The following FER variants were observed in gnomAD, a reference collection of about 807,000 sequenced individuals.
FER encodes tyrosine-protein kinase Fer.
Under a neutral mutation model 111.0 loss-of-function variants are expected in FER, and 63 were observed. The ratio of observed to expected loss-of-function variants is 0.57; its 90% CI spans 0.46 to 0.70. The LOEUF (loss-of-function observed/expected upper bound fraction) is 0.70, where lower values mean the gene tolerates loss of function less well. FER is among the 30% of genes least tolerant of loss of function. FER has a pLI of 0.00. For synonymous variants in FER, 327 were observed against 313.9 expected, an observed-to-expected ratio of 1.04 and a Z score of -0.44; for missense variants, 914 against 954.0, an observed-to-expected ratio of 0.96 and a Z score of 0.55.
At chr5:109,109,073 T>C (rs558120822) in intron 17 of FER, among the ~76,000 whole-genome samples, 1 of 152,282 alleles carries the variant, frequency 6.6e-6, no homozygotes, top group East Asian at 1.9e-4. Flanking sequence ...CTATTAAGTG[T>C]AAGCATTTGC....
At chr5:108,992,429 T>C (rs1763321782) in intron 13 of FER, among the ~76,000 whole-genome samples, 1 of 151,950 alleles carries the variant, frequency 6.6e-6, no homozygotes, top group South Asian at 2.1e-4. Flanking sequence ...GCAGAGGGGC[T>C]CCTCACTTCC....
In FER at chr5:109,190,365, A is replaced by G. The variant is rs1759294043; in HGVS notation, c.*2790A>G. On this transcript the variant is annotated 3_prime_UTR_variant, in exon 20 of 20. Coordinates refer to ENST00000281092, the MANE Select transcript of FER (RefSeq NM_005246.4). ...GTGTTGTTAATGGATTATTCAAGAT[A>G]TATATATATATTCTTACTACTGCAT... is the stretch of plus-strand genomic sequence containing the variant. 1 of 151,678 alleles carries G rather than the reference A, an allele frequency of 6.6e-6. No individual in the cohort carries two copies. The highest frequency in any genetic ancestry group is 1.5e-5 in the Non-Finnish European group (1 of 67,904). The allele number at this position is 151,678 out of a possible 1,614,324, so 9.4% of individuals were successfully genotyped here.
chr5:109,028,601 C>G (rs1041140188), intron 13 of FER, among the ~76,000 whole-genome samples: 1 of 152,264 alleles, frequency 6.6e-6, no homozygotes, highest in South Asian at 2.1e-4. Flanking sequence ...CTCTCAGAAC[C>G]TCAGAGTCCT....
chr5:109,157,107 A>G (rs564157801), intron 17 of FER, among the ~76,000 whole-genome samples: 18 of 152,284 alleles, frequency 1.2e-4, no homozygotes, highest in Admixed American at 5.2e-4. Context: ...TGTGGATTTC[A>G]TGCTTGTTAC....
Position 108,953,186 on chromosome 5 carries a change from A to C in FER, c.1330-1543A>C, listed in dbSNP as rs182677671. 1.2e-3 allele frequency among the ~76,000 whole-genome samples: 184 copies of C among 152,010 alleles called. 2 individuals are homozygous for C. The highest frequency in any genetic ancestry group is 3.8e-3 in the African/African-American group (156 of 41,530). On this transcript the variant is annotated intron_variant, in intron 11 of 19. Transcript: ENST00000281092. Reference sequence around the variant, plus strand: ...TTAGTATCAGTATATACAAAAAGTTAATTTTGTGTAGATTATGCGTTTGTT... The same window carrying C: ...TTAGTATCAGTATATACAAAAAGTTCATTTTGTGTAGATTATGCGTTTGTT...
intron 17 of FER, among the ~76,000 whole-genome samples, chr5:109,173,689 G>A (rs1243874835): frequency 6.6e-6 from 1 of 151,730 alleles, no homozygotes; most frequent in East Asian, 1.9e-4. Flanking sequence ...TTAAGACTGT[G>A]ATGTCTATTC....
At chr5:109,038,810 T>G (rs1770754411) in intron 14 of FER, among the ~76,000 whole-genome samples, 1 of 152,014 alleles carries the variant, frequency 6.6e-6, no homozygotes, top group Non-Finnish European at 1.5e-5. Context: ...CAGAATATGT[T>G]TAGAAGGACA....
chr5:109,059,779 A>G (rs1774142473), intron 16 of FER, among the ~76,000 whole-genome samples: 1 of 152,184 alleles, frequency 6.6e-6, no homozygotes, highest in Non-Finnish European at 1.5e-5. Context: ...AAGTCTTCCC[A>G]AAACGTTAAA....
rs1447349828 is a variant in FER at position 109,189,177 on chromosome 5, A to G, written c.*1602A>G. On this transcript the variant is annotated 3_prime_UTR_variant, in exon 20 of 20. Transcript: ENST00000281092. ...GGATTCTGTATCTTAACTCTTATCT[A>G]GGGAACTTACTTACTTACCCCATGA... 6.9e-6 allele frequency: 1 copy of G among 144,664 alleles called. No individual in the cohort carries two copies. Among genetic ancestry groups the G allele is most frequent in the Non-Finnish European group, 1.5e-5 (1 of 64,544 alleles). The allele number at this position is 144,664 out of a possible 1,614,324, so 9.0% of individuals were successfully genotyped here.
intron 3 of FER, among the ~76,000 whole-genome samples, chr5:108,812,642 A>G (rs192568197): frequency 4.1e-4 from 62 of 151,806 alleles, no homozygotes; most frequent in Admixed American, 7.9e-4. Flanking sequence ...ATGTTCTTAT[A>G]TTCCTTTCTC....
intron 13 of FER, among the ~76,000 whole-genome samples, chr5:109,028,459 C>G (rs1212069808): frequency 6.6e-6 from 1 of 152,148 alleles, no homozygotes; most frequent in Admixed American, 6.6e-5. Flanking sequence ...TTGAAAGAGT[C>G]ATATGCATTG....
chr5:108,781,276 T>C (rs1166871430), intron 2 of FER, among the ~76,000 whole-genome samples: 4 of 152,150 alleles, frequency 2.6e-5, no homozygotes, highest in Admixed American at 6.5e-5. Context: ...CTGCAACCTC[T>C]GCTTCCTGGG....
chr5:108,752,039 T>C (rs1036847836), intron 1 of FER, among the ~76,000 whole-genome samples: 1 of 152,154 alleles, frequency 6.6e-6, no homozygotes, highest in Non-Finnish European at 1.5e-5. Flanking sequence ...GATTGCTTTA[T>C]TACTATTTTT....
intron 5 of FER, among the ~76,000 whole-genome samples, chr5:108,852,787 G>A (rs2150191093): frequency 6.6e-6 from 1 of 152,156 alleles, no homozygotes; most frequent in East Asian, 1.9e-4. Context: ...AATATGATAG[G>A]AATTTTACAA....
intron 13 of FER, among the ~76,000 whole-genome samples, chr5:108,971,014 T>C (rs565917559): frequency 1.1e-4 from 17 of 152,220 alleles, no homozygotes; most frequent in Middle Eastern, 3.4e-3. Flanking sequence ...ATGTGAGATA[T>C]ATACATAACT....
chr5:109,072,990 A>G (rs1775939796), intron 16 of FER, among the ~76,000 whole-genome samples: 1 of 152,052 alleles, frequency 6.6e-6, no homozygotes, highest in African/African-American at 2.4e-5. Flanking sequence ...GTGTCTCTAT[A>G]TTCAAATCTC....
intron 17 of FER, among the ~76,000 whole-genome samples, chr5:109,165,593 GGT>G (rs66749153): frequency 0.15 from 20,694 of 141,976 alleles, 1,441 homozygotes; most frequent in Non-Finnish European, 0.17. Context: ...GGAGGGAACT[GGT>G]GTGTGTGTGT....
intron 10 of FER, among the ~76,000 whole-genome samples, chr5:108,925,043 T>C (rs1351245787): frequency 1.3e-5 from 2 of 151,926 alleles, no homozygotes; most frequent in Non-Finnish European, 2.9e-5. Flanking sequence ...AATTCACCTC[T>C]CAGTTTTGAG....
chr5:108,909,921 A>C (rs550215362), intron 10 of FER, among the ~76,000 whole-genome samples: 16 of 151,916 alleles, frequency 1.1e-4, no homozygotes, highest in African/African-American at 3.9e-4. Flanking sequence ...TAAATACTCA[A>C]ATATTTTTAA....
Sources: gnomAD v4.1 joint callset for allele counts (sites outside exome capture counted in the v4.1 genomes callset) on GRCh38, gnomAD v4.1.1 for gene constraint, MANE v1.5 for transcripts, NCBI Gene and HGNC (gene_info 2026-07-23, HGNC 2026-07-21) for gene names.